Variants in UNC5C observed in about 807,000 individuals in gnomAD.
UNC5C encodes the protein netrin receptor UNC5C.
UNC5C carries 47 observed loss-of-function variants against 99.8 expected under a neutral mutation model. The observed-to-expected ratio is 0.47, with a 90% CI of 0.37 to 0.60. The LOEUF is 0.60. Ranked by LOEUF, UNC5C falls within the 20% of genes least tolerant of loss-of-function variation. The pLI, the probability that UNC5C is intolerant of heterozygous loss-of-function variation, is 0.00. For synonymous variants in UNC5C, 487 were observed against 452.2 expected (o/e 1.08, Z -0.98); for missense variants, 1,062 against 1,165.9 (o/e 0.91, Z 1.30).
intron 2 of UNC5C, among the ~76,000 whole-genome samples, chr4:95,322,097 T>C (rs190695322): frequency 6.6e-6 from 1 of 152,210 alleles, no homozygotes; most frequent in Non-Finnish European, 1.5e-5. Flanking sequence ...AAATAAAAAA[T>C]TATGGAATGA....
At chr4:95,257,418 GA>G (rs1355314031) in intron 4 of UNC5C, among the ~76,000 whole-genome samples, 2 of 150,394 alleles carry the variant, frequency 1.3e-5, no homozygotes, top group South Asian at 2.1e-4. Flanking sequence ...AAACAGAAAA[GA>G]AAAGAAAAAA....
At chr4:95,356,537 G>A (rs1356761178) in intron 1 of UNC5C, among the ~76,000 whole-genome samples, 1 of 152,144 alleles carries the variant, frequency 6.6e-6, no homozygotes, top group Admixed American at 6.5e-5. Context: ...GTTTAAGTGA[G>A]CTGATGGATT....
chr4:95,419,899 G>C (rs1746270163), intron 1 of UNC5C, among the ~76,000 whole-genome samples: 1 of 151,944 alleles, frequency 6.6e-6, no homozygotes, highest in Admixed American at 6.6e-5. Flanking sequence ...GCTCGGAATA[G>C]CTCAGATGTT....
intron 1 of UNC5C, among the ~76,000 whole-genome samples, chr4:95,351,262 A>G (rs1743978284): frequency 6.6e-6 from 1 of 151,162 alleles, no homozygotes; most frequent in Middle Eastern, 3.5e-3. Flanking sequence ...GGCAGTGCCT[A>G]TCTTACTCAC....
chr4:95,284,438 G>A (rs933278755), intron 3 of UNC5C, among the ~76,000 whole-genome samples: 2 of 152,082 alleles, frequency 1.3e-5, no homozygotes, highest in African/African-American at 4.8e-5. Flanking sequence ...GCCATTATGT[G>A]TCCAAGAGAA....
intron 14 of UNC5C, among the ~76,000 whole-genome samples, chr4:95,179,384 G>A (rs1736509910): frequency 2.0e-5 from 3 of 152,172 alleles, no homozygotes; most frequent in African/African-American, 7.2e-5. Context: ...AACTTAAGAG[G>A]TTATAAGATC....
At chr4:95,398,182 C>T (rs1237921063) in intron 1 of UNC5C, among the ~76,000 whole-genome samples, 4 of 151,286 alleles carry the variant, frequency 2.6e-5, no homozygotes, top group Non-Finnish European at 5.9e-5. Context: ...ATCATCCAAA[C>T]CACTTACCTG....
At chr4:95,330,836 T>A (rs1442911536) in intron 2 of UNC5C, among the ~76,000 whole-genome samples, 1 of 152,076 alleles carries the variant, frequency 6.6e-6, no homozygotes, top group East Asian at 1.9e-4. Flanking sequence ...TTGTAGTAAT[T>A]TATGGGATAT....
chr4:95,184,985 A>G (rs1736772589), intron 13 of UNC5C, 62 bp downstream of exon 13: 2 of 1,465,544 alleles, frequency 1.4e-6, no homozygotes, highest in African/African-American at 1.4e-5. Flanking sequence ...CTATGTCTAT[A>G]TAATTTTAGA....
chr4:95,521,976 A>G (rs1174954193), intron 1 of UNC5C, among the ~76,000 whole-genome samples: 1 of 152,132 alleles, frequency 6.6e-6, no homozygotes, highest in Non-Finnish European at 1.5e-5. Context: ...CTGAAAATAA[A>G]TGTCAGAAAT....
At chr4:95,186,919 C>T (rs1009951463) in intron 12 of UNC5C, among the ~76,000 whole-genome samples, 4 of 152,078 alleles carry the variant, frequency 2.6e-5, no homozygotes, top group African/African-American at 4.8e-5. Flanking sequence ...GAGGGTCTCC[C>T]GTAGGCCATA....
At chr4:95,500,511 ATTGG>A (rs1721751154) in intron 1 of UNC5C, among the ~76,000 whole-genome samples, 1 of 152,118 alleles carries the variant, frequency 6.6e-6, no homozygotes, top group Admixed American at 6.6e-5. Flanking sequence ...CTTTCTAAAC[ATTGG>A]TCATGTTTAT....
intron 1 of UNC5C, among the ~76,000 whole-genome samples, chr4:95,449,816 T>C (rs115490440): frequency 1.2e-3 from 185 of 152,330 alleles, no homozygotes; most frequent in Non-Finnish European, 1.9e-3. Flanking sequence ...TAAAGTCATT[T>C]AAGTTTTAGT....
chr4:95,411,585 C>G (rs909998916), intron 1 of UNC5C, among the ~76,000 whole-genome samples: 5 of 152,144 alleles, frequency 3.3e-5, no homozygotes, highest in African/African-American at 1.2e-4. Flanking sequence ...TAAATCTGCA[C>G]ACTACAGGAA....
intron 1 of UNC5C, among the ~76,000 whole-genome samples, chr4:95,547,839 T>C (rs1202313952): frequency 1.3e-5 from 2 of 152,164 alleles, no homozygotes; most frequent in Non-Finnish European, 2.9e-5. Context: ...GGCGATCAGC[T>C]CCGGAGCCTC....
rs28552550 is a variant in UNC5C at position 95,378,945 on chromosome 4, G to T, written c.125-43314C>A. Among the ~76,000 whole-genome samples, 1,443 of 152,164 alleles carry T rather than the reference G, an allele frequency of 9.5e-3. 28 individuals carry two copies. Among genetic ancestry groups the T allele is most frequent in the African/African-American group, 0.033 (1,362 of 41,518 alleles). ...CATTTTACTAGTATTTTTATTCTAA[G>T]ACTTAAATTGACTGGCTACATGATT... On this transcript the variant is annotated intron_variant, in intron 1 of 15. Coordinates refer to ENST00000453304, the MANE Select transcript of UNC5C (RefSeq NM_003728.4).
chr4:95,399,598 C>T (rs954812731), intron 1 of UNC5C, among the ~76,000 whole-genome samples: 3 of 152,216 alleles, frequency 2.0e-5, no homozygotes, highest in East Asian at 3.9e-4. Context: ...CCATTTTCTC[C>T]GAAAGACCTA....
chr4:95,187,588 T>C (rs901728993), intron 12 of UNC5C, among the ~76,000 whole-genome samples: 1 of 150,164 alleles, frequency 6.7e-6, no homozygotes, highest in Admixed American at 6.6e-5. Context: ...GCATTTTGAG[T>C]GCAGAGTCTT....
At chr4:95,291,569 T>C (rs1031057772) in intron 3 of UNC5C, among the ~76,000 whole-genome samples, 1 of 152,150 alleles carries the variant, frequency 6.6e-6, no homozygotes, top group Non-Finnish European at 1.5e-5. Flanking sequence ...AGAATAAATA[T>C]GAGCTATAAA....
Sources: allele counts gnomAD v4.1 joint callset (sites outside exome capture counted in the v4.1 genomes callset), GRCh38; gene constraint gnomAD v4.1.1; transcripts MANE v1.5; gene names NCBI Gene and HGNC (gene_info 2026-07-23, HGNC 2026-07-21).